ZFP64: variants seen among roughly 807,000 people sequenced by gnomAD.
ZFP64 encodes the protein zinc finger protein 64.
In ZFP64, 14 loss-of-function variants were observed where a neutral mutation model predicts 51.6. The ratio of observed to expected loss-of-function variants is 0.27; its 90% CI spans 0.18 to 0.42. The LOEUF is 0.42. Among genes scored for constraint, ZFP64 ranks in the 10% least tolerant of loss-of-function variants. The pLI, the probability that ZFP64 is intolerant of heterozygous loss-of-function variation, is 1.00. For synonymous variants in ZFP64, 375 were observed against 361.4 expected (o/e 1.04, Z -0.43); for missense variants, 754 against 906.8 (o/e 0.83, Z 2.16).
chr20:52,136,397 T>C (rs887251268), intron 5 of ZFP64, among the ~76,000 whole-genome samples: 12 of 152,080 alleles, frequency 7.9e-5, no homozygotes, highest in African/African-American at 2.9e-4. Context: ...TTTAATAAAA[T>C]TGACCCAATT....
At chr20:52,116,897 C>T (rs1714149617) in intron 5 of ZFP64, among the ~76,000 whole-genome samples, 1 of 151,944 alleles carries the variant, frequency 6.6e-6, no homozygotes, top group African/African-American at 2.4e-5. Context: ...TGGTGAAACC[C>T]TGCCTCTACT....
chr20:52,094,766 A>G (rs1217587077), intron 7 of ZFP64, among the ~76,000 whole-genome samples: 1 of 145,364 alleles, frequency 6.9e-6, no homozygotes, highest in Non-Finnish European at 1.5e-5. Flanking sequence ...AATAAATAAT[A>G]AAAAGGAAAA....
intron 8 of ZFP64, chr20:52,088,227 G>C: frequency 8.6e-7 from 1 of 1,167,206 alleles, no homozygotes; most frequent in South Asian, 1.6e-5. Flanking sequence ...AAAAGTTGTT[G>C]TTCCGGCAAC....
chr20:52,142,229 A>G (rs6021733), intron 5 of ZFP64, among the ~76,000 whole-genome samples: 54,913 of 151,612 alleles, frequency 0.36, 10,678 homozygotes, highest in Non-Finnish European at 0.42. Context: ...TTAGCTGGGC[A>G]TGGTGGCATG....
At chr20:52,186,081 C>T (rs1309389108) in intron 2 of ZFP64, among the ~76,000 whole-genome samples, 1 of 152,176 alleles carries the variant, frequency 6.6e-6, no homozygotes, top group Non-Finnish European at 1.5e-5. Context: ...CCACAACCTG[C>T]CTCCTTTGGT....
intron 5 of ZFP64, among the ~76,000 whole-genome samples, chr20:52,144,578 CAAAA>C (rs1156545584): frequency 3.9e-4 from 9 of 23,324 alleles, no homozygotes; most frequent in South Asian, 2.4e-3. Context: ...GACTCCGTCT[CAAAA>C]AAAAAAAAAA....
At chr20:52,142,772 G>A (rs1191555374) in intron 5 of ZFP64, among the ~76,000 whole-genome samples, 6 of 126,988 alleles carry the variant, frequency 4.7e-5, no homozygotes, top group South Asian at 2.8e-4. Flanking sequence ...CCCAGGAGGC[G>A]GAGGTTGTAG....
chr20:52,144,749 A>G (rs564723344), intron 5 of ZFP64, among the ~76,000 whole-genome samples: 1 of 152,052 alleles, frequency 6.6e-6, no homozygotes, highest in East Asian at 1.9e-4. Context: ...TAAAAAAAGA[A>G]ACCCCAAAAC....
Position 52,152,245 on chromosome 20 carries a change from G to A in ZFP64, c.1947C>T (p.Ser649=), listed in dbSNP as rs201865916. ...TGGGTAGTTCTTGCTGGGAAGAGGA[G>A]GAGAAGACCGGTGGCGCTGTGGTGG... ...AVATTAPPVF[S]SSSQQELPKQ... is the part of the protein sequence containing the mutation. Residue 649 remains serine (S), a synonymous_variant, in exon 6 of 6, where the codon TCC becomes TCT. Coordinates refer to ENST00000216923, the MANE Select transcript of ZFP64 (RefSeq NM_018197.3). 3 of 1,614,156 alleles carry A rather than the reference G, an allele frequency of 1.9e-6. No individual in the cohort carries two copies. The highest frequency in any genetic ancestry group is 1.3e-5 in the African/African-American group (1 of 75,042).
chr20:52,147,817 C>A (rs1980598200), downstream of ZFP64, among the ~76,000 whole-genome samples: 1 of 152,070 alleles, frequency 6.6e-6, no homozygotes. Context: ...GAGTGCAAGA[C>A]CAGCCTGGTC....
intron 1 of ZFP64, among the ~76,000 whole-genome samples, chr20:52,189,393 C>CAAAAAAAAAAAAA (rs11352168): frequency 7.7e-6 from 1 of 129,374 alleles, no homozygotes. Flanking sequence ...GACTTCATCT[C>CAAAAAAAAAAAAA]AAAAAAAAAA....
chr20:52,103,896 T>TC (rs780847358), intron 5 of ZFP64, among the ~76,000 whole-genome samples: 2 of 152,098 alleles, frequency 1.3e-5, no homozygotes, highest in Non-Finnish European at 2.9e-5. Flanking sequence ...ATTAAACTAC[T>TC]CCCCTCCACC....
chr20:52,122,041 C>T (rs1404309195), intron 5 of ZFP64, among the ~76,000 whole-genome samples: 3 of 152,152 alleles, frequency 2.0e-5, no homozygotes, highest in African/African-American at 7.2e-5. Context: ...ACTGTTGAAA[C>T]CTACTGCTCA....
chr20:52,084,348 A>C, exon 9 of ZFP64: 2 of 567,100 alleles, frequency 3.5e-6, no homozygotes, highest in Admixed American at 3.1e-5. Flanking sequence ...CTTGGAGGGA[A>C]GAGACAAATG....
At chr20:52,118,357 G>T (rs1217720317) in intron 5 of ZFP64, among the ~76,000 whole-genome samples, 1 of 152,080 alleles carries the variant, frequency 6.6e-6, no homozygotes, top group South Asian at 2.1e-4. Flanking sequence ...GCCCCTACTG[G>T]TTTGAAAGCT....
chr20:52,148,436 A>G (rs963725688), downstream of ZFP64, among the ~76,000 whole-genome samples: 3 of 152,190 alleles, frequency 2.0e-5, no homozygotes, highest in African/African-American at 7.2e-5. Flanking sequence ...AGTTCTTGGC[A>G]TGAGCTGTAA....
At chr20:52,095,480 G>GTC (rs57410038) in intron 7 of ZFP64, among the ~76,000 whole-genome samples, 30,446 of 152,060 alleles carry the variant, frequency 0.2, 3,493 homozygotes, top group African/African-American at 0.31. Flanking sequence ...CATTACTTGA[G>GTC]TCCCAGTAGT....
chr20:52,091,767 C>T (rs946689797), intron 7 of ZFP64, among the ~76,000 whole-genome samples: 4 of 151,586 alleles, frequency 2.6e-5, no homozygotes, highest in Non-Finnish European at 4.4e-5. Flanking sequence ...GCAGGCAGAT[C>T]ACCTGAGCTT....
In ZFP64 at chr20:52,160,540, A is replaced by G. The variant is rs558704533; in HGVS notation, c.512-166T>C. Among the ~76,000 whole-genome samples the G allele has an allele frequency of 1.8e-4, 27 of 152,306 alleles. No homozygotes were observed. The highest frequency in any genetic ancestry group is 6.5e-4 in the African/African-American group (27 of 41,568). ...TGGCAAAGAGCTAACATCTTGGGAG[A>G]GGGGAAGTTTCTTCCATGTTCCTTA... On this transcript the variant is annotated intron_variant, in intron 4 of 5. Transcript: ENST00000216923. This position sits in a 1 kb window ranked among gnomAD's most constrained non-coding sequence, Gnocchi z 4.2.
Sources: gnomAD v4.1 joint callset for allele counts (sites outside exome capture counted in the v4.1 genomes callset) on GRCh38, gnomAD v4.1.1 for gene constraint, Gnocchi (gnomAD v3.1) non-coding constraint, MANE v1.5 for transcripts, NCBI Gene and HGNC (gene_info 2026-07-23, HGNC 2026-07-21) for gene names.